Variants in GRM7 observed in about 807,000 individuals in gnomAD.
GRM7 encodes glutamate metabotropic receptor 7.
GRM7 carries 35 observed loss-of-function variants against 84.5 expected under a neutral mutation model. That is an observed-to-expected ratio of 0.41 (90% CI 0.32 to 0.55). The LOEUF is 0.55. Ranked by LOEUF, GRM7 falls within the 20% of genes least tolerant of loss-of-function variation. The probability of loss-of-function intolerance (pLI) is 0.19; values close to 1 mark genes in which losing one functional copy is unlikely to be tolerated. For synonymous variants in GRM7, 487 were observed against 455.1 expected, an observed-to-expected ratio of 1.07 and a Z score of -0.89; for missense variants, 1,003 against 1,194.6, an observed-to-expected ratio of 0.84 and a Z score of 2.36.
At chr3:7,673,968 G>A (rs1205980446) in intron 8 of GRM7, among the ~76,000 whole-genome samples, 3 of 152,142 alleles carry the variant, frequency 2.0e-5, no homozygotes, top group African/African-American at 7.2e-5. Flanking sequence ...GTTAAGTACT[G>A]TATGAGCCAT....
chr3:7,523,960 A>G (rs1053945570), intron 7 of GRM7, among the ~76,000 whole-genome samples: 5 of 152,138 alleles, frequency 3.3e-5, no homozygotes, highest in African/African-American at 1.2e-4. Flanking sequence ...TTTTCAAGGT[A>G]ATAAGCTCCA....
intron 7 of GRM7, among the ~76,000 whole-genome samples, chr3:7,521,318 C>G (rs954618124): frequency 6.6e-6 from 1 of 152,122 alleles, no homozygotes; most frequent in African/African-American, 2.4e-5. Flanking sequence ...ATGTTTGTAT[C>G]CCCTTAAAAT....
chr3:7,139,749 T>C (rs1407363136), intron 1 of GRM7, among the ~76,000 whole-genome samples: 1 of 152,000 alleles, frequency 6.6e-6, no homozygotes, highest in Admixed American at 6.6e-5. Flanking sequence ...CTCCTTGATA[T>C]TGGCCTTGGC....
intron 9 of GRM7, among the ~76,000 whole-genome samples, chr3:7,708,627 C>G (rs1254273329): frequency 6.6e-6 from 1 of 152,030 alleles, no homozygotes; most frequent in Non-Finnish European, 1.5e-5. Context: ...AACTTTCATT[C>G]ATAAGAGCAA....
chr3:7,027,637 A>G (rs1696027486), intron 1 of GRM7, among the ~76,000 whole-genome samples: 1 of 152,190 alleles, frequency 6.6e-6, no homozygotes, highest in African/African-American at 2.4e-5. Flanking sequence ...AAAACAAGAA[A>G]GGCAAAAAAC....
At chr3:7,541,276 T>A in intron 7 of GRM7, among the ~76,000 whole-genome samples, 1 of 152,292 alleles carries the variant, frequency 6.6e-6, no homozygotes, top group East Asian at 1.9e-4. Context: ...TTACATATTA[T>A]TCAAACTTTT....
intron 1 of GRM7, among the ~76,000 whole-genome samples, chr3:7,072,379 C>A (rs936326263): frequency 3.3e-5 from 5 of 152,060 alleles, no homozygotes; most frequent in Non-Finnish European, 7.4e-5. Flanking sequence ...TTGTATATGT[C>A]ATATCTAAAG....
At chr3:7,172,543 C>A (rs1211751305) in intron 2 of GRM7, among the ~76,000 whole-genome samples, 3 of 79,666 alleles carry the variant, frequency 3.8e-5, no homozygotes, top group Admixed American at 1.6e-4. Context: ...ATGTAGTCTT[C>A]CCCCCCGCCC....
intron 1 of GRM7, among the ~76,000 whole-genome samples, chr3:6,971,795 A>T (rs1234046505): frequency 6.6e-6 from 1 of 152,174 alleles, no homozygotes. Context: ...ATAGTGATGG[A>T]GAAAGTCACA....
chr3:7,128,544 GT>G (rs200760250), intron 1 of GRM7, among the ~76,000 whole-genome samples: 1,426 of 81,396 alleles, frequency 0.018, 203 homozygotes, highest in African/African-American at 0.075. Flanking sequence ...GTCTTGCTGT[GT>G]CACCTAGGCT....
At chr3:6,872,366 A>G (rs1695150759) in intron 1 of GRM7, among the ~76,000 whole-genome samples, 1 of 151,548 alleles carries the variant, frequency 6.6e-6, no homozygotes. Flanking sequence ...TCTCTCTCTT[A>G]CTCTCAGTCT....
chr3:7,569,987 A>G (rs1217405634), intron 7 of GRM7, among the ~76,000 whole-genome samples: 2 of 152,194 alleles, frequency 1.3e-5, no homozygotes, highest in Admixed American at 1.3e-4. Context: ...TGGCAGGCAA[A>G]GAGAGAGCTT....
intron 1 of GRM7, among the ~76,000 whole-genome samples, chr3:7,085,081 C>A (rs940226640): frequency 6.6e-6 from 1 of 152,130 alleles, no homozygotes; most frequent in Non-Finnish European, 1.5e-5. Flanking sequence ...GGCTGGGTTG[C>A]TTTAGAAGTC....
intron 9 of GRM7, among the ~76,000 whole-genome samples, chr3:7,693,155 A>C (rs1349772703): frequency 6.6e-6 from 1 of 152,166 alleles, no homozygotes; most frequent in Non-Finnish European, 1.5e-5. Context: ...TGATGATCAT[A>C]TTTGACATCT....
chr3:7,652,336 AAGGGAT>A (rs1354522931), intron 8 of GRM7, among the ~76,000 whole-genome samples: 2 of 152,102 alleles, frequency 1.3e-5, no homozygotes, highest in African/African-American at 4.8e-5. Context: ...GTTAGGGGAG[AAGGGAT>A]AGGGAAAGTT....
rs181465345 is a variant in GRM7, at chr3:7,449,181, A to T, written c.1175-3426A>T. Among the ~76,000 whole-genome samples the T allele has an allele frequency of 1.7e-3, 259 of 152,238 alleles. 2 individuals are homozygous for T. Among genetic ancestry groups the T allele is most frequent in the Middle Eastern group, 6.8e-3 (2 of 294 alleles). ...CACAACGTAGCAAAAAATAGCTTTT[A>T]TATATAGATGAAATACCAGTAAAAT... is the stretch of plus-strand genomic sequence containing the variant. On this transcript the variant is annotated intron_variant, in intron 5 of 9. Transcript: ENST00000357716.
At chr3:7,484,632 G>A (rs1206400242) in intron 7 of GRM7, among the ~76,000 whole-genome samples, 1 of 152,146 alleles carries the variant, frequency 6.6e-6, no homozygotes, top group African/African-American at 2.4e-5. Context: ...TTTTGTGCCA[G>A]GCACAGTTCT....
chr3:7,543,143 G>C (rs549660864), intron 7 of GRM7, among the ~76,000 whole-genome samples: 2 of 152,272 alleles, frequency 1.3e-5, no homozygotes, highest in South Asian at 4.1e-4. Flanking sequence ...TCCCTATTAG[G>C]GAGTCAGTTT....
At chr3:6,873,224 A>G (rs1449004528) in intron 1 of GRM7, among the ~76,000 whole-genome samples, 1 of 151,896 alleles carries the variant, frequency 6.6e-6, no homozygotes, top group East Asian at 1.9e-4. Context: ...GGCACCCACC[A>G]CCAGGCCTGG....
Sources: gnomAD v4.1 joint callset for allele counts (sites outside exome capture counted in the v4.1 genomes callset) on GRCh38, gnomAD v4.1.1 for gene constraint, MANE v1.5 for transcripts, NCBI Gene and HGNC (gene_info 2026-07-23, HGNC 2026-07-21) for gene names.